MYSM1: variants seen among roughly 807,000 people sequenced by gnomAD.
The protein encoded by MYSM1 is Myb like, SWIRM and MPN domains 1.
In MYSM1, 51 loss-of-function variants were observed where a neutral mutation model predicts 116.0. That is an observed-to-expected ratio of 0.44 (90% CI 0.35 to 0.56). The LOEUF is 0.56. Ranked by LOEUF, MYSM1 falls within the 20% of genes least tolerant of loss-of-function variation. The pLI is 0.00. For missense variants in MYSM1, 900 were observed against 974.9 expected (o/e 0.92, Z 1.02); for synonymous variants, 313 against 315.2 (o/e 0.99, Z 0.07).
At chr1:58,680,026 C>CAAAAAAAA (rs6143231) in intron 8 of MYSM1, among the ~76,000 whole-genome samples, 2 of 126,914 alleles carry the variant, frequency 1.6e-5, no homozygotes, top group African/African-American at 6.1e-5. Flanking sequence ...GACTCTGTCT[C>CAAAAAAAA]AAAAAAAAAA....
intron 7 of MYSM1, among the ~76,000 whole-genome samples, chr1:58,683,939 T>TG (rs1286762821): frequency 2.8e-3 from 433 of 152,224 alleles, no homozygotes; most frequent in Non-Finnish European, 3.5e-3. Context: ...CTACCCCAGG[T>TG]CTTTGAGTAA....
At chr1:58,693,346 C>T (rs1213317014) in intron 2 of MYSM1, among the ~76,000 whole-genome samples, 2 of 152,166 alleles carry the variant, frequency 1.3e-5, no homozygotes, top group East Asian at 3.9e-4. Flanking sequence ...TTTCAACGCT[C>T]CAAGTTAAGT....
At chr1:58,693,553 T>G (rs780555602) in intron 2 of MYSM1, among the ~76,000 whole-genome samples, 4 of 152,240 alleles carry the variant, frequency 2.6e-5, no homozygotes, top group Non-Finnish European at 5.9e-5. Context: ...AGTTATTCCA[T>G]GTAGAAATTC....
At chr1:58,663,759 T>TCCATTCTGC (rs1332787578) in intron 17 of MYSM1, among the ~76,000 whole-genome samples, 1 of 152,192 alleles carries the variant, frequency 6.6e-6, no homozygotes. Flanking sequence ...GAGTTCACTC[T>TCCATTCTGC]CCATTCTGCT....
At position 58,659,873 on chromosome 1, in the gene MYSM1, G is replaced by T; in HGVS notation, c.*124C>A. On this transcript the variant is annotated 3_prime_UTR_variant, in exon 20 of 20. Coordinates refer to ENST00000472487, the MANE Select transcript of MYSM1 (RefSeq NM_001085487.3). ...TCACATGATTTATGTGGCAAAGTTT[G>T]GATTTTGTGAAATAGAGAAAAAATA... 1 of 662,214 alleles carries T rather than the reference G, an allele frequency of 1.5e-6. No individual in the cohort carries two copies. Among genetic ancestry groups the T allele is most frequent in the Non-Finnish European group, 2.4e-6 (1 of 418,470 alleles). 41.0% of individuals were successfully genotyped at this position (662,214 alleles called of 1,614,324 possible).
At position 58,658,735 on chromosome 1, in the gene MYSM1, G is replaced by C. The variant is rs1644350716; in HGVS notation, c.*1262C>G. The C allele has an allele frequency of 6.6e-6, 1 of 152,088 alleles. No individual in the cohort carries two copies. Among genetic ancestry groups the C allele is most frequent in the African/African-American group, 2.4e-5 (1 of 41,424 alleles). 9.4% of individuals were successfully genotyped at this position (152,088 alleles called of 1,614,324 possible). A position where few individuals can be genotyped will look rare whatever the true frequency, so the allele number is the denominator to read the frequency against. On this transcript the variant is annotated 3_prime_UTR_variant, in exon 20 of 20. Transcript: ENST00000472487. The stretch of plus-strand genomic sequence containing the variant: ...TAAAATCTACTGAATTTCAATAAAT[G>C]AGGCAGCATTGACTGCTTATTTTAT...
chr1:58,694,373 A>C (rs1055114123), intron 2 of MYSM1, among the ~76,000 whole-genome samples: 1 of 152,182 alleles, frequency 6.6e-6, no homozygotes, highest in Non-Finnish European at 1.5e-5. Flanking sequence ...CTGTAATCCC[A>C]CCACTTTGGG....
chr1:58,673,479 A>G, intron 11 of MYSM1, 94 bp downstream of exon 11: 1 of 1,057,696 alleles, frequency 9.5e-7, no homozygotes, highest in South Asian at 1.4e-5. Flanking sequence ...ATGTTAATGT[A>G]TGAAACAAGT....
intron 19 of MYSM1, among the ~76,000 whole-genome samples, chr1:58,660,449 T>G (rs1400715112): frequency 1.3e-5 from 2 of 152,086 alleles, no homozygotes; most frequent in Non-Finnish European, 2.9e-5. Flanking sequence ...TTTTCTCCAT[T>G]TGTAGTTACA....
chr1:58,675,590 T>C lies in MYSM1; in HGVS notation c.1391-10A>G, dbSNP rs759672360. The C allele has an allele frequency of 5.4e-5, 86 of 1,603,658 alleles. No homozygotes were observed. The South Asian group carries it at 8.9e-4, about 17-fold the overall frequency. On this transcript the variant is annotated splice_polypyrimidine_tract_variant and intron_variant, in intron 9 of 19. Transcript: ENST00000472487. ...TTATACACAGCCTGTTCTATTGGAA[T>C]TCAGGAAAGATAAAACCATCTATTA...
chr1:58,699,832 C>A, intron 1 of MYSM1, 153 bp downstream of exon 1: 3 of 985,436 alleles, frequency 3.0e-6, no homozygotes, highest in Non-Finnish European at 3.6e-6. Flanking sequence ...GACAAGCCGG[C>A]GGGCGAGGTG....
chr1:58,698,102 A>ATATTTTTTTTT, intron 1 of MYSM1, among the ~76,000 whole-genome samples: 1 of 7,776 alleles, frequency 1.3e-4, no homozygotes, highest in African/African-American at 2.6e-4. Context: ...ATATATATAT[A>ATATTTTTTTTT]TTTTTTTTTT....
At chr1:58,667,440 T>C (rs1248347507) in intron 15 of MYSM1, among the ~76,000 whole-genome samples, 1 of 150,502 alleles carries the variant, frequency 6.6e-6, no homozygotes, top group Non-Finnish European at 1.5e-5. Flanking sequence ...AACAAGGTCA[T>C]AATAATGGTT....
rs1644535567 is a variant in MYSM1, at chr1:58,669,913, G to A, written c.1662-875C>T. ...GTGAAAAAGAGAGAACCTAAGCAAG[G>A]TCAAAAGCACACATAAATCTCAGAA... On this transcript the variant is annotated intron_variant, in intron 12 of 19. Transcript: ENST00000472487. Among the ~76,000 whole-genome samples, 3 of 150,840 alleles carry A rather than the reference G, an allele frequency of 2.0e-5. No individual in the cohort carries two copies. In the South Asian group the frequency reaches 6.3e-4, roughly 31 times the overall value.
rs1035611454 is a variant in MYSM1 at position 58,695,062 on chromosome 1, AAAAG to A, written c.147+63_147+66del. 61 of 882,756 alleles carry A rather than the reference AAAAG, an allele frequency of 6.9e-5. No individual in the cohort carries two copies. In the South Asian group the frequency reaches 7.8e-4, roughly 11 times the overall value. The allele number at this position is 882,756 out of a possible 1,614,324, so 54.7% of individuals were successfully genotyped here. On this transcript the variant is annotated intron_variant, in intron 2 of 19. Coordinates refer to ENST00000472487, the MANE Select transcript of MYSM1 (RefSeq NM_001085487.3). ...AACTAGCACTAAGTTTAAAAAAAAA[AAAAG>A]AAGAAGCACTCTAGGCAATAAATAA... is the stretch of plus-strand genomic sequence containing the variant.
At position 58,692,898 on chromosome 1, in the gene MYSM1, T is replaced by G; in HGVS notation, c.181A>C (p.Asn61His). Reference sequence around the variant, plus strand: ...AACATTTTCTCAATAACAGCTCTGTTCTCTTCACTGATGGTGTTATCCAAG... The same window carrying G: ...AACATTTTCTCAATAACAGCTCTGTGCTCTTCACTGATGGTGTTATCCAAG... The part of the protein sequence containing the change: ...WTLDNTISEE[N>H]RAVIEKMLLE... The change falls in exon 3 of 20, where the codon AAC (asparagine) becomes CAC (histidine). Residue 61 changes from asparagine (N) to histidine (H), a missense_variant. By Grantham distance (68) the Asn-to-His change is moderately conservative. This residue lies in a region of MYSM1 where 622 missense variants were observed against 623.7 expected (regional missense o/e 1.00). Coordinates refer to ENST00000472487, the MANE Select transcript of MYSM1 (RefSeq NM_001085487.3). 1.2e-6 allele frequency: 2 copies of G among 1,610,702 alleles called. No individual in the cohort carries two copies. Among genetic ancestry groups the G allele is most frequent in the Non-Finnish European group, 8.5e-7 (1 of 1,178,582 alleles).
In MYSM1 at chr1:58,656,285, A is replaced by T. The variant is rs1644318022; in HGVS notation, c.*3712T>A. ...TGGACAGAAGACTGGGAGCAGCATT[A>T]AATAGCTTCATGGAAACATGCATGG... On this transcript the variant is annotated 3_prime_UTR_variant, in exon 20 of 20. Coordinates refer to ENST00000472487, the MANE Select transcript of MYSM1 (RefSeq NM_001085487.3). 1 of 152,246 alleles carries T rather than the reference A, an allele frequency of 6.6e-6. No homozygotes were observed. Among genetic ancestry groups the T allele is most frequent in the Non-Finnish European group, 1.5e-5 (1 of 68,064 alleles). The allele number at this position is 152,246 out of a possible 1,614,324, so 9.4% of individuals were successfully genotyped here.
chr1:58,676,299 C>T (rs1173552039), intron 9 of MYSM1, among the ~76,000 whole-genome samples: 1 of 151,772 alleles, frequency 6.6e-6, no homozygotes, highest in Non-Finnish European at 1.5e-5. Flanking sequence ...GCCTGTAGTC[C>T]CAGCTACTCT....
At chr1:58,662,839 TAAG>T (rs1020174020) in intron 17 of MYSM1, among the ~76,000 whole-genome samples, 120 of 152,204 alleles carry the variant, frequency 7.9e-4, no homozygotes, top group African/African-American at 2.7e-3. Flanking sequence ...TCCAAAAACT[TAAG>T]AAGAGTGACA....
Sources: allele counts gnomAD v4.1 joint callset (sites outside exome capture counted in the v4.1 genomes callset), GRCh38; gene constraint gnomAD v4.1.1; regional missense constraint gnomAD v4.1.1; transcripts MANE v1.5; gene names NCBI Gene and HGNC (gene_info 2026-07-23, HGNC 2026-07-21).